SEMA3A: variants seen among roughly 807,000 people sequenced by gnomAD.
SEMA3A encodes the protein semaphorin-3A.
A neutral mutation model predicts 97.9 loss-of-function variants in SEMA3A; 29 were observed. The observed-to-expected ratio is 0.30, with a 90% CI of 0.22 to 0.40. The LOEUF is 0.40. Ranked by LOEUF, SEMA3A falls within the 10% of genes least tolerant of loss-of-function variation. The pLI is 1.00. For synonymous variants in SEMA3A, 321 were observed against 323.7 expected (o/e 0.99, Z 0.09); for missense variants, 763 against 951.3 (o/e 0.80, Z 2.60).
intron 4 of SEMA3A, among the ~76,000 whole-genome samples, chr7:84,089,867 T>G (rs1243740946): frequency 1.3e-5 from 2 of 151,962 alleles, no homozygotes; most frequent in Non-Finnish European, 2.9e-5. Context: ...GGTTATGAAC[T>G]GTGCTAAAGA....
chr7:84,341,181 C>T lies in SEMA3A; in HGVS notation c.-169+30643G>A, dbSNP rs1802159349. On this transcript the variant is annotated intron_variant, in intron 2 of 3. Transcript: ENST00000424555. The stretch of plus-strand genomic sequence containing the variant: ...TTCATGTAGACATGATTTGCCACAA[C>T]ATCAACCATATGGTATGCACATACT... Among the ~76,000 whole-genome samples, 3 of 152,310 alleles carry T rather than the reference C, an allele frequency of 2.0e-5. No individual in the cohort carries two copies. In the South Asian group the frequency reaches 6.2e-4, roughly 32 times the overall value.
chr7:84,160,931 T>G (rs1797012083), intron 1 of SEMA3A, among the ~76,000 whole-genome samples: 1 of 151,918 alleles, frequency 6.6e-6, no homozygotes, highest in Admixed American at 6.6e-5. Context: ...ATAGGTAGTA[T>G]TATTTCTACT....
intron 4 of SEMA3A, among the ~76,000 whole-genome samples, chr7:84,077,858 G>A (rs1434578122): frequency 6.6e-6 from 1 of 151,884 alleles, no homozygotes; most frequent in Non-Finnish European, 1.5e-5. Flanking sequence ...ATCAAAGCAA[G>A]AAGTTCATCA....
chr7:84,051,199 T>G (rs1227797451), intron 5 of SEMA3A, among the ~76,000 whole-genome samples: 1 of 150,334 alleles, frequency 6.7e-6, no homozygotes, highest in Non-Finnish European at 1.5e-5. Context: ...GCGGGCTCTT[T>G]TTTGGTTCCA....
At chr7:84,182,942 A>T (rs9642177) in intron 1 of SEMA3A, among the ~76,000 whole-genome samples, 19,035 of 152,140 alleles carry the variant, frequency 0.13, 1,243 homozygotes, top group Middle Eastern at 0.16. Context: ...ATAGTTGTCA[A>T]TTAGCTTTCA....
chr7:84,067,075 T>G lies in SEMA3A; in HGVS notation c.454-6517A>C, dbSNP rs1034411023. Among the ~76,000 whole-genome samples the G allele has an allele frequency of 4.6e-5, 7 of 152,088 alleles. 1 individual carries two copies. Among genetic ancestry groups the G allele is most frequent in the South Asian group, 4.1e-4 (2 of 4,828 alleles). On this transcript the variant is annotated intron_variant, in intron 4 of 16. Transcript: ENST00000265362. ...CATGGTACTGCTACCAAAACAGAGA[T>G]ATAGATCAACGGAAGAGAACAGAGC... is the stretch of plus-strand genomic sequence containing the variant.
chr7:84,313,816 T>C (rs1313078965), intron 2 of SEMA3A, among the ~76,000 whole-genome samples: 3 of 151,984 alleles, frequency 2.0e-5, no homozygotes, highest in Non-Finnish European at 2.9e-5. Context: ...AAAACAAAAA[T>C]ATTGACTCAT....
chr7:84,003,582 C>T (rs1166680803), intron 11 of SEMA3A, among the ~76,000 whole-genome samples: 1 of 152,040 alleles, frequency 6.6e-6, no homozygotes, highest in Non-Finnish European at 1.5e-5. Context: ...CAGATTGTGT[C>T]CAAGAGGAAT....
In SEMA3A at chr7:84,368,279, T is replaced by A. The variant is rs575122777; in HGVS notation, c.-169+3545A>T. On this transcript the variant is annotated intron_variant, in intron 2 of 3. Transcript: ENST00000424555. ...TCTGAAAAGAACTCAGTTTTTTTTA[T>A]GAAATTTAATCCTTTATTTTGTATG... Among the ~76,000 whole-genome samples the A allele has an allele frequency of 4.0e-5, 6 of 151,324 alleles. No individual in the cohort carries two copies. In the East Asian group the frequency reaches 9.7e-4, roughly 24 times the overall value.
chr7:84,310,135 G>T (rs1211841745), intron 2 of SEMA3A, among the ~76,000 whole-genome samples: 1 of 151,972 alleles, frequency 6.6e-6, no homozygotes, highest in African/African-American at 2.4e-5. Context: ...ATTCCACATT[G>T]ACTCAATGCA....
chr7:84,118,991 A>C (rs1216750386), intron 3 of SEMA3A, among the ~76,000 whole-genome samples: 1 of 152,168 alleles, frequency 6.6e-6, no homozygotes, highest in African/African-American at 2.4e-5. Context: ...TATAAAGGGA[A>C]CATAAATTTG....
At chr7:84,470,088 A>T (rs919581827) in intron 1 of SEMA3A, among the ~76,000 whole-genome samples, 1 of 151,896 alleles carries the variant, frequency 6.6e-6, no homozygotes, top group Admixed American at 6.6e-5. Context: ...GGGAATATGT[A>T]TTCACCAATT....
intron 3 of SEMA3A, among the ~76,000 whole-genome samples, chr7:84,291,485 A>T (rs1346573198): frequency 5.3e-5 from 8 of 152,042 alleles, no homozygotes; most frequent in African/African-American, 1.7e-4. Context: ...TGCATTGCCA[A>T]CTAATTTTCA....
intron 1 of SEMA3A, among the ~76,000 whole-genome samples, chr7:84,154,781 T>C (rs1796790445): frequency 6.6e-6 from 1 of 151,892 alleles, no homozygotes; most frequent in African/African-American, 2.4e-5. Flanking sequence ...ATTCATATTG[T>C]CTAAATAAGA....
chr7:84,074,162 AC>A (rs1279338216), intron 4 of SEMA3A, among the ~76,000 whole-genome samples: 3 of 152,074 alleles, frequency 2.0e-5, no homozygotes, highest in Non-Finnish European at 2.9e-5. Flanking sequence ...AAATTATTGA[AC>A]CTCAGCCCTC....
intron 1 of SEMA3A, among the ~76,000 whole-genome samples, chr7:84,462,695 C>G (rs1287180660): frequency 6.6e-6 from 1 of 152,100 alleles, no homozygotes; most frequent in Admixed American, 6.5e-5. Context: ...AATGCCTACT[C>G]TAGTAGAAAA....
chr7:84,384,243 G>A (rs1803344629), intron 1 of SEMA3A, among the ~76,000 whole-genome samples: 1 of 152,100 alleles, frequency 6.6e-6, no homozygotes, highest in Non-Finnish European at 1.5e-5. Flanking sequence ...TTTGTTAAAT[G>A]TGTTACATTT....
chr7:84,130,921 T>C (rs1795944690), intron 2 of SEMA3A, among the ~76,000 whole-genome samples: 1 of 152,016 alleles, frequency 6.6e-6, no homozygotes, highest in Non-Finnish European at 1.5e-5. Context: ...AAAAGACAAG[T>C]TGTTTTCTCA....
At chr7:84,139,141 T>C (rs1562806830) in intron 1 of SEMA3A, among the ~76,000 whole-genome samples, 1 of 152,106 alleles carries the variant, frequency 6.6e-6, no homozygotes, top group Non-Finnish European at 1.5e-5. Context: ...TTCAGTAATG[T>C]GAAATGTGTG....
Sources: gnomAD v4.1 joint callset for allele counts (sites outside exome capture counted in the v4.1 genomes callset) on GRCh38, gnomAD v4.1.1 for gene constraint, MANE v1.5 for transcripts, NCBI Gene and HGNC (gene_info 2026-07-23, HGNC 2026-07-21) for gene names.